TBL1XR1: variants seen among roughly 807,000 people sequenced by gnomAD.
The protein encoded by TBL1XR1 is TBL1X/Y related 1, also known as F-box-like/WD repeat-containing protein TBL1XR1.
Under a neutral mutation model 66.9 loss-of-function variants are expected in TBL1XR1, and 5 were observed. The observed-to-expected ratio is 0.07, with a 90% CI of 0.04 to 0.16. The LOEUF (loss-of-function observed/expected upper bound fraction) is 0.16. Ranked by LOEUF, TBL1XR1 falls within the 10% of genes least tolerant of loss-of-function variation. TBL1XR1 has a pLI of 1.00. For synonymous variants in TBL1XR1, 210 were observed against 206.0 expected, an observed-to-expected ratio of 1.02 and a Z score of -0.17; for missense variants, 238 against 623.2, an observed-to-expected ratio of 0.38 and a Z score of 6.58.
intron 1 of TBL1XR1, among the ~76,000 whole-genome samples, chr3:177,167,020 T>C (rs1367554140): frequency 6.6e-6 from 1 of 152,218 alleles, no homozygotes; most frequent in Non-Finnish European, 1.5e-5. Context: ...AGTTTAAATC[T>C]TGTGTCCACA....
At chr3:177,025,896 T>G (rs902212344) in intron 15 of TBL1XR1, 1 of 288,476 alleles carries the variant, frequency 3.5e-6, no homozygotes, top group Non-Finnish European at 6.5e-6. Flanking sequence ...TCCCACCTTC[T>G]GGTGCTTCTA....
At chr3:177,134,705 T>A (rs1222994085) in intron 1 of TBL1XR1, among the ~76,000 whole-genome samples, 1 of 152,184 alleles carries the variant, frequency 6.6e-6, no homozygotes, top group Non-Finnish European at 1.5e-5. Flanking sequence ...GTAATTTCCC[T>A]ACCCTGACTG....
At chr3:177,158,220 GTTTCTTTTC>G (rs1327248120) in intron 1 of TBL1XR1, among the ~76,000 whole-genome samples, 1 of 109,664 alleles carries the variant, frequency 9.1e-6, no homozygotes, top group Non-Finnish European at 2.2e-5. Context: ...TATAGGATTT[GTTTCTTTTC>G]TTTTTTTTTT....
intron 1 of TBL1XR1, among the ~76,000 whole-genome samples, chr3:177,107,207 C>G (rs566296957): frequency 1.1e-4 from 16 of 152,220 alleles, no homozygotes; most frequent in African/African-American, 3.9e-4. Context: ...TTACATTAAA[C>G]TAGATATTAG....
At chr3:177,181,182 A>C (rs575959602) in intron 1 of TBL1XR1, among the ~76,000 whole-genome samples, 18 of 152,112 alleles carry the variant, frequency 1.2e-4, no homozygotes, top group Non-Finnish European at 2.5e-4. Flanking sequence ...GTCTTGTCGC[A>C]ACTCATTGTC....
chr3:177,131,947 G>C (rs552852982), intron 1 of TBL1XR1, among the ~76,000 whole-genome samples: 1 of 149,170 alleles, frequency 6.7e-6, no homozygotes, highest in Non-Finnish European at 1.5e-5. Context: ...CACTCTGATT[G>C]TTAACCCCAG....
At chr3:177,093,133 T>G (rs1015571674) in intron 2 of TBL1XR1, among the ~76,000 whole-genome samples, 11 of 152,070 alleles carry the variant, frequency 7.2e-5, no homozygotes, top group Admixed American at 6.6e-4. Flanking sequence ...GATACAAAAT[T>G]AATTTACACA....
At chr3:177,122,818 A>G (rs1727139261) in intron 1 of TBL1XR1, among the ~76,000 whole-genome samples, 1 of 152,148 alleles carries the variant, frequency 6.6e-6, no homozygotes, top group African/African-American at 2.4e-5. Context: ...CAAATACCAA[A>G]CAATGAGCAT....
intron 1 of TBL1XR1, among the ~76,000 whole-genome samples, chr3:177,190,023 C>T (rs1362422086): frequency 6.7e-6 from 1 of 149,738 alleles, no homozygotes; most frequent in Non-Finnish European, 1.5e-5. Flanking sequence ...ATCCCAGCTA[C>T]TGGGGAGGCT....
intron 3 of TBL1XR1, among the ~76,000 whole-genome samples, chr3:177,060,070 G>A (rs931188546): frequency 6.6e-5 from 10 of 152,096 alleles, no homozygotes; most frequent in Non-Finnish European, 1.3e-4. Flanking sequence ...TTGGCTTCCC[G>A]CCTTTTGAGG....
chr3:177,193,371 C>T (rs1168595233), intron 1 of TBL1XR1, among the ~76,000 whole-genome samples: 1 of 151,684 alleles, frequency 6.6e-6, no homozygotes, highest in Admixed American at 6.6e-5. Context: ...AGTGCAATGG[C>T]GCGATCTTGG....
At chr3:177,191,044 G>A (rs9829086) in intron 1 of TBL1XR1, among the ~76,000 whole-genome samples, 5,254 of 152,214 alleles carry the variant, frequency 0.035, 312 homozygotes, top group African/African-American at 0.12. Flanking sequence ...GAAGGACAAA[G>A]GGAACAACAG....
chr3:177,181,819 T>C (rs933693947), intron 1 of TBL1XR1, among the ~76,000 whole-genome samples: 6 of 105,302 alleles, frequency 5.7e-5, no homozygotes, highest in Non-Finnish European at 8.6e-5. Context: ...GGGTTCAAGT[T>C]AGGAAAAAAA....
intron 2 of TBL1XR1, among the ~76,000 whole-genome samples, chr3:177,085,003 T>G: frequency 6.6e-6 from 1 of 152,204 alleles, no homozygotes; most frequent in Non-Finnish European, 1.5e-5. Flanking sequence ...ATTGGCCTAC[T>G]TTTTTGGTGT....
chr3:177,080,730 G>A (rs1560151777), intron 2 of TBL1XR1, among the ~76,000 whole-genome samples: 1 of 151,998 alleles, frequency 6.6e-6, no homozygotes, highest in African/African-American at 2.4e-5. Context: ...AGTAACAATA[G>A]GTCCTGGTAC....
At chr3:177,114,176 C>T (rs1725997495) in intron 1 of TBL1XR1, among the ~76,000 whole-genome samples, 1 of 151,432 alleles carries the variant, frequency 6.6e-6, no homozygotes, top group African/African-American at 2.4e-5. Flanking sequence ...TATTAATTCA[C>T]TAGATTCAAC....
chr3:177,075,265 C>T lies in TBL1XR1; in HGVS notation c.-45-10243G>A, dbSNP rs1720556874. 2.6e-5 allele frequency among the ~76,000 whole-genome samples: 4 copies of T among 152,342 alleles called. No homozygotes were observed. In the South Asian group the frequency reaches 8.3e-4, roughly 32 times the overall value. On this transcript the variant is annotated intron_variant, in intron 2 of 15. Transcript: ENST00000457928. ...CCTCCATTTTCACATGGCCACCTTGCTTTGTGTCTGAGTCTTTACGTGGCA... is the reference window on the plus strand; with the variant it reads ...CCTCCATTTTCACATGGCCACCTTGTTTTGTGTCTGAGTCTTTACGTGGCA...
At chr3:177,080,076 T>C (rs1721209654) in intron 2 of TBL1XR1, 1 of 152,196 alleles carries the variant, frequency 6.6e-6, no homozygotes, top group Non-Finnish European at 1.5e-5. Context: ...GGTTTAACTG[T>C]TAACACTGGA....
chr3:177,160,457 G>C (rs1406258654), intron 1 of TBL1XR1, among the ~76,000 whole-genome samples: 2 of 146,164 alleles, frequency 1.4e-5, no homozygotes, highest in Admixed American at 6.9e-5. Flanking sequence ...CTGGGCGACA[G>C]AGCGAGACTC....
Sources: allele counts gnomAD v4.1 joint callset (sites outside exome capture counted in the v4.1 genomes callset), GRCh38; gene constraint gnomAD v4.1.1; transcripts MANE v1.5; gene names NCBI Gene and HGNC (gene_info 2026-07-23, HGNC 2026-07-21).